MDN1: variants seen among roughly 807,000 people sequenced by gnomAD.
The protein encoded by MDN1 is midasin AAA ATPase 1.
In MDN1, 266 loss-of-function variants were observed where a neutral mutation model predicts 669.2. That is an observed-to-expected ratio of 0.40 (90% CI 0.36 to 0.44). The LOEUF (loss-of-function observed/expected upper bound fraction) is 0.44. Among genes scored for constraint, MDN1 ranks in the 20% least tolerant of loss-of-function variants. MDN1 has a pLI of 1.00. For missense variants in MDN1, 5,940 were observed against 6,754.0 expected (o/e 0.88, Z 4.22); for synonymous variants, 2,385 against 2,457.1 (o/e 0.97, Z 0.87).
intron 57 of MDN1, 39 bp from the exon 58 acceptor site, chr6:89,699,766 C>G (rs766304285): frequency 8.1e-6 from 13 of 1,606,618 alleles, no homozygotes; most frequent in Middle Eastern, 1.7e-4. Context: ...GGGGTATGGA[C>G]TATCAATGAA....
rs768056527 is a variant in MDN1, at chr6:89,683,211, G to A, written c.12023C>T (p.Ala4008Val). ...CTGAATGGAAGACAGTTCACTTGCA[G>A]CTCCATCTGTTGGCCTGGGCAAAAA... Reference protein sequence around the residue: ...PDFLPRPTDGAASELSSIQNL... With the variant: ...PDFLPRPTDGVASELSSIQNL... The change falls in exon 73 of 102, where the codon GCT becomes GTT. Residue 4008 changes from alanine to valine, a missense_variant. This residue lies in a region of MDN1 where 2,280 missense variants were observed against 2,576.3 expected (regional missense o/e 0.88). Coordinates refer to ENST00000369393, the MANE Select transcript of MDN1 (RefSeq NM_014611.3). 1.9e-6 allele frequency: 3 copies of A among 1,614,026 alleles called. No homozygotes were observed. The highest frequency in any genetic ancestry group is 1.7e-5 in the Admixed American group (1 of 59,990).
rs773316530 is a variant in MDN1 at position 89,753,626 on chromosome 6, G to C, written c.2965-4C>G. On this transcript the variant is annotated splice_region_variant and splice_polypyrimidine_tract_variant and intron_variant, in intron 21 of 101. Transcript: ENST00000369393. ...TTAAGAAACCCAAACAAAAACCCTA[G>C]AAAGAAAAGACAAATATGCATAATG... The C allele has an allele frequency of 6.3e-7, 1 of 1,598,890 alleles. No homozygotes were observed. The highest frequency in any genetic ancestry group is 8.6e-7 in the Non-Finnish European group (1 of 1,166,390).
intron 11 of MDN1, among the ~76,000 whole-genome samples, chr6:89,776,925 T>TA (rs889622868): frequency 4.6e-5 from 7 of 151,590 alleles, no homozygotes; most frequent in African/African-American, 1.2e-4. Flanking sequence ...ACTTGCCAAA[T>TA]AAAAAAAACA....
Position 89,700,739 on chromosome 6 carries a change from G to C in MDN1, c.8545C>G (p.Gln2849Glu), listed in dbSNP as rs1813097716. The C allele has an allele frequency of 6.2e-7, 1 of 1,614,150 alleles. No homozygotes were observed. The highest frequency in any genetic ancestry group is 8.5e-7 in the Non-Finnish European group (1 of 1,180,030). Reference sequence around the variant, plus strand: ...AATGTCCACTGAGAAGCAACCACTTGGAGACGGTTAATGTCTTCCTGCCAT... The same window carrying C: ...AATGTCCACTGAGAAGCAACCACTTCGAGACGGTTAATGTCTTCCTGCCAT... ...SGWQEDINRL[Q>E]VVASQWTLKK... The change falls in exon 56 of 102, where the codon CAA (glutamine) becomes GAA (glutamate). Residue 2849 changes from glutamine to glutamate, a missense_variant. Coordinates refer to ENST00000369393, the MANE Select transcript of MDN1 (RefSeq NM_014611.3).
chr6:89,665,706 CAAAAAAA>C lies in MDN1; in HGVS notation c.14095-1085_14095-1079del, dbSNP rs61352567. Among the ~76,000 whole-genome samples, 66 of 126,282 alleles carry C rather than the reference CAAAAAAA, an allele frequency of 5.2e-4. 1 individual carries two copies. The South Asian group carries it at 8.7e-3, about 17-fold the overall frequency. 82.8% of individuals were successfully genotyped at this position (126,282 alleles called of 152,430 possible). Reference sequence around the variant, plus strand: ...TGGGTGACAGAGCAAGACTCCGTTTCAAAAAAAAAAAAAAAAAAAAAAAGAAGTCCTT... The same window carrying C: ...TGGGTGACAGAGCAAGACTCCGTTTCAAAAAAAAAAAAAAAAGAAGTCCTT... On this transcript the variant is annotated intron_variant, in intron 84 of 101. Transcript: ENST00000369393.
Position 89,772,691 on chromosome 6 carries a change from C to A in MDN1, c.1965G>T (p.Pro655=). Residue 655 remains proline (P), a synonymous_variant, in exon 14 of 102, where the codon CCG becomes CCT. Transcript: ENST00000369393. ...REKFTFAATR[P]SSVLIEQLAV... is the part of the protein sequence containing the mutation. ...CAAGCTGCTCGATGAGAACAGAGGACGGCCGTGTAGCAGCGAAAGTGAACT... is the reference window on the plus strand; with the variant it reads ...CAAGCTGCTCGATGAGAACAGAGGAAGGCCGTGTAGCAGCGAAAGTGAACT... 6.2e-7 allele frequency: 1 copy of A among 1,613,762 alleles called. No homozygotes were observed. The highest frequency in any genetic ancestry group is 8.5e-7 in the Non-Finnish European group (1 of 1,179,870).
intron 19 of MDN1, among the ~76,000 whole-genome samples, chr6:89,756,990 C>T (rs1251849942): frequency 2.0e-5 from 3 of 151,654 alleles, no homozygotes; most frequent in African/African-American, 4.8e-5. Flanking sequence ...ATCATAATCG[C>T]CTATTTAAAA....
intron 1 of MDN1, among the ~76,000 whole-genome samples, chr6:89,809,215 C>CA (rs1167270500): frequency 0.043 from 2,493 of 58,654 alleles, 101 homozygotes; most frequent in African/African-American, 0.078. Flanking sequence ...GACACTGTCT[C>CA]AAAAAAAAAA....
Position 89,780,310 on chromosome 6 carries a change from G to T in MDN1, c.1644-17C>A. The T allele has an allele frequency of 1.3e-6, 2 of 1,521,650 alleles. No homozygotes were observed. Among genetic ancestry groups the T allele is most frequent in the Non-Finnish European group, 1.8e-6 (2 of 1,130,116 alleles). 94.3% of individuals were successfully genotyped at this position (1,521,650 alleles called of 1,614,324 possible). Reference sequence around the variant, plus strand: ...AGCAGATCCCTTTAAAAAAAAGAAAGAAAAGAAAAAACAAAGAAAAGACCA... The same window carrying T: ...AGCAGATCCCTTTAAAAAAAAGAAATAAAAGAAAAAACAAAGAAAAGACCA... On this transcript the variant is annotated splice_polypyrimidine_tract_variant and intron_variant, in intron 10 of 101. Transcript: ENST00000369393.
chr6:89,778,206 A>G (rs1178861296), intron 11 of MDN1, among the ~76,000 whole-genome samples: 2 of 150,454 alleles, frequency 1.3e-5, no homozygotes, highest in African/African-American at 2.4e-5. Context: ...CAACTAATAA[A>G]AAAAAAAAAA....
intron 59 of MDN1, among the ~76,000 whole-genome samples, chr6:89,697,684 C>T (rs552101110): frequency 4.0e-5 from 6 of 151,880 alleles, no homozygotes; most frequent in African/African-American, 1.4e-4. Flanking sequence ...CAGGCCCAAG[C>T]GATTCTCCTG....
chr6:89,746,654 A>T (rs1562173226), intron 27 of MDN1, among the ~76,000 whole-genome samples: 1 of 151,452 alleles, frequency 6.6e-6, no homozygotes, highest in Non-Finnish European at 1.5e-5. Flanking sequence ...AAAGAAAAAA[A>T]GTTTTTAAAA....
chr6:89,762,605 C>T, intron 15 of MDN1, 75 bp from the exon 16 acceptor site: 1 of 1,047,486 alleles, frequency 9.5e-7, no homozygotes, highest in South Asian at 1.5e-5. Context: ...GCTCAGAAAA[C>T]AGGAGTAGGT....
rs1027070065 is a variant in MDN1 at position 89,677,425 on chromosome 6, C to T, written c.12539+145G>A. 5.2e-6 allele frequency: 5 copies of T among 966,450 alleles called. No individual in the cohort carries two copies. In the African/African-American group the frequency reaches 8.3e-5, roughly 16 times the overall value. 59.9% of individuals were successfully genotyped at this position (966,450 alleles called of 1,614,324 possible). ...TTTCATTTGAATGTCCATCAGGAGT[C>T]AGATCCTGAGCCAGGCACTTTTGTA... On this transcript the variant is annotated intron_variant, in intron 76 of 101. Transcript: ENST00000369393.
Position 89,715,642 on chromosome 6 carries a change from G to A in MDN1, c.6860+11C>T, listed in dbSNP as rs763081578. On this transcript the variant is annotated intron_variant, in intron 45 of 101. Coordinates refer to ENST00000369393, the MANE Select transcript of MDN1 (RefSeq NM_014611.3). ...CAGATTCTGAGGCAGAAATGTAAGA[G>A]ATACAAATACCTGAAATTGGGATTT... 4 of 1,528,488 alleles carry A rather than the reference G, an allele frequency of 2.6e-6. No homozygotes were observed. Among genetic ancestry groups the A allele is most frequent in the Non-Finnish European group, 3.6e-6 (4 of 1,102,172 alleles). 94.7% of individuals were successfully genotyped at this position (1,528,488 alleles called of 1,614,324 possible). A position where few individuals can be genotyped will look rare whatever the true frequency, so the allele number is the denominator to read the frequency against.
chr6:89,653,249 A>G (rs1809006544), intron 93 of MDN1, 94 bp from the exon 94 acceptor site: 1 of 1,212,004 alleles, frequency 8.3e-7, no homozygotes, highest in African/African-American at 1.5e-5. Context: ...AAATTAATCA[A>G]ACTTCATTCA....
intron 96 of MDN1, 41 bp downstream of exon 96, chr6:89,650,691 T>A (rs1808790190): frequency 2.0e-6 from 3 of 1,476,968 alleles, no homozygotes. Context: ...AGCTGCCGTC[T>A]TCTCAGGGCA....
At chr6:89,778,203 TA>T (rs71556528) in intron 11 of MDN1, among the ~76,000 whole-genome samples, 18,635 of 136,670 alleles carry the variant, frequency 0.14, 1,368 homozygotes, top group Middle Eastern at 0.22. Flanking sequence ...TCTCAACTAA[TA>T]AAAAAAAAAA....
In MDN1 at chr6:89,722,944, G is replaced by T; in HGVS notation, c.5967+11C>A. 6.2e-7 allele frequency: 1 copy of T among 1,604,618 alleles called. No individual in the cohort carries two copies. Among genetic ancestry groups the T allele is most frequent in the Non-Finnish European group, 8.5e-7 (1 of 1,174,498 alleles). ...ATGGAAAGAAATACAAATACCAAGC[G>T]TGAAACTCACCTTTTTTTTGTCCTC... is the stretch of plus-strand genomic sequence containing the variant. On this transcript the variant is annotated intron_variant, in intron 40 of 101. Coordinates refer to ENST00000369393, the MANE Select transcript of MDN1 (RefSeq NM_014611.3).
Sources: gnomAD v4.1 joint callset for allele counts (sites outside exome capture counted in the v4.1 genomes callset) on GRCh38, gnomAD v4.1.1 for gene constraint, gnomAD v4.1.1 regional missense constraint, MANE v1.5 for transcripts, NCBI Gene and HGNC (gene_info 2026-07-23, HGNC 2026-07-21) for gene names.